The following SCN2A variants were observed in gnomAD, a reference collection of about 807,000 sequenced individuals.
SCN2A encodes the protein sodium voltage-gated channel alpha subunit 2.
In SCN2A, 20 loss-of-function variants were observed where a neutral mutation model predicts 188.7. The ratio of observed to expected loss-of-function variants is 0.11; its 90% CI spans 0.07 to 0.15. The LOEUF is 0.15. Ranked by LOEUF, SCN2A falls within the 10% of genes least tolerant of loss-of-function variation. The pLI is 1.00. For synonymous variants in SCN2A, 804 were observed against 833.1 expected, an observed-to-expected ratio of 0.97 and a Z score of 0.60; for missense variants, 1,278 against 2,445.0, an observed-to-expected ratio of 0.52 and a Z score of 10.07.
At chr2:165,346,356 G>C (rs1574646091) in intron 16 of SCN2A, among the ~76,000 whole-genome samples, 2 of 151,976 alleles carry the variant, frequency 1.3e-5, no homozygotes, top group South Asian at 4.2e-4. Context: ...TCAAACTTAG[G>C]GTTGGTCTTT....
intron 1 of SCN2A, among the ~76,000 whole-genome samples, chr2:165,250,585 C>T (rs1694045269): frequency 1.3e-5 from 2 of 151,876 alleles, no homozygotes; most frequent in African/African-American, 2.4e-5. Context: ...AGCTCTCTAA[C>T]TCCATGAGTA....
chr2:165,281,912 C>A (rs1004624536), intron 1 of SCN2A, among the ~76,000 whole-genome samples: 2 of 152,102 alleles, frequency 1.3e-5, no homozygotes, highest in African/African-American at 2.4e-5. Context: ...GACTGTGGAG[C>A]ATGTTCTGGG....
chr2:165,334,090 C>T (rs1698844861), intron 14 of SCN2A, among the ~76,000 whole-genome samples: 1 of 150,566 alleles, frequency 6.6e-6, no homozygotes, highest in South Asian at 2.1e-4. Flanking sequence ...TCTCAATATA[C>T]TTATAATAAG....
rs762703948 is a variant in SCN2A at position 165,354,375 on chromosome 2, G to A, written c.3103G>A (p.Ala1035Thr). The A allele has an allele frequency of 4.3e-6, 7 of 1,613,996 alleles. No individual in the cohort carries two copies. In the South Asian group the frequency reaches 5.5e-5, roughly 13 times the overall value. Residue 1035 changes from alanine to threonine, a missense_variant, in exon 17 of 27, where the codon GCT (alanine) becomes ACT (threonine). Ala to Thr is a moderately conservative substitution (Grantham distance 58). Around this residue, in one of 17 missense-constraint regions of SCN2A, gnomAD observed 228 missense variants for 297.3 expected, o/e 0.77. Transcript: ENST00000375437. ...IQKAFVRKQK[A>T]LDEIKPLEDL... ...GAAAGCCTTTGTTAGGAAGCAGAAA[G>A]CTTTAGATGAAATTAAACCGCTTGA... is the stretch of plus-strand genomic sequence containing the variant.
At chr2:165,301,997 A>T (rs1696838304) in intron 3 of SCN2A, among the ~76,000 whole-genome samples, 1 of 152,182 alleles carries the variant, frequency 6.6e-6, no homozygotes, top group Admixed American at 6.5e-5. Context: ...AAAACAAATG[A>T]TTTTTAAACC....
At position 165,377,582 on chromosome 2, in the gene SCN2A, T is replaced by C. The variant is rs373198623; in HGVS notation, c.4255-15T>C. Reference sequence around the variant, plus strand: ...AATTTTGGGAAAAAAGAAAATGATATGACTTTTCTTACAGGCCACGTTTAA... The same window carrying C: ...AATTTTGGGAAAAAAGAAAATGATACGACTTTTCTTACAGGCCACGTTTAA... On this transcript the variant is annotated splice_polypyrimidine_tract_variant and intron_variant, in intron 22 of 26. Transcript: ENST00000375437. 7 of 1,598,226 alleles carry C rather than the reference T, an allele frequency of 4.4e-6. No individual in the cohort carries two copies. In the African/African-American group the frequency reaches 5.4e-5, roughly 12 times the overall value.
Position 165,239,581 on chromosome 2 carries a change from CTG to C in SCN2A, c.-109_-108del, listed in dbSNP as rs1693528874. The C allele has an allele frequency of 2.1e-6, 2 of 968,934 alleles. No homozygotes were observed. The highest frequency in any genetic ancestry group is 1.8e-5 in the African/African-American group (1 of 56,880). 60.0% of individuals were successfully genotyped at this position (968,934 alleles called of 1,614,324 possible). On this transcript the variant is annotated 5_prime_UTR_variant, in exon 1 of 27. Coordinates refer to ENST00000375437, the MANE Select transcript of SCN2A (RefSeq NM_001040142.2). ...AAATTCTGAAGAATTGCATTGGAGA[CTG>C]TTATATTCAACACATACGTGGATTC...
At position 165,310,585 on chromosome 2, in the gene SCN2A, T is replaced by C. The variant is rs185590667; in HGVS notation, c.960T>C (p.Ile320=). ...GCATATTTAACTGGGATGAATATAT[T>C]GAGGATAAAAGTAAGATATACTCTA... is the stretch of plus-strand genomic sequence containing the variant. ...TVSIFNWDEY[I]EDKSHFYFLE... is the part of the protein sequence containing the mutation. The change falls in exon 7 of 27, where the codon ATT becomes ATC. Residue 320 remains isoleucine (I), a synonymous_variant. Coordinates refer to ENST00000375437, the MANE Select transcript of SCN2A (RefSeq NM_001040142.2). The C allele has an allele frequency of 1.5e-4, 237 of 1,610,580 alleles. 3 individuals carry two copies. In the East Asian group the frequency reaches 4.5e-3, roughly 30 times the overall value.
At chr2:165,304,913 A>G (rs550550563) in intron 3 of SCN2A, among the ~76,000 whole-genome samples, 3 of 152,236 alleles carry the variant, frequency 2.0e-5, no homozygotes, top group Non-Finnish European at 4.4e-5. Context: ...AAAATGATGC[A>G]TATTACATTT....
In SCN2A at chr2:165,251,837, T is replaced by C. The variant is rs762565057; in HGVS notation, c.-52+12197T>C. Among the ~76,000 whole-genome samples, 116 of 152,212 alleles carry C rather than the reference T, an allele frequency of 7.6e-4. 1 individual carries two copies. The highest frequency in any genetic ancestry group is 5.8e-4 in the East Asian group (3 of 5,182). On this transcript the variant is annotated intron_variant, in intron 1 of 26. Coordinates refer to ENST00000375437, the MANE Select transcript of SCN2A (RefSeq NM_001040142.2). ...TGATTAATATAATAGCTAACATTTATGAAATATTTACTATAATACAGGCAC... is the reference window on the plus strand; with the variant it reads ...TGATTAATATAATAGCTAACATTTACGAAATATTTACTATAATACAGGCAC...
At chr2:165,289,407 A>G (rs1695998250) in intron 1 of SCN2A, among the ~76,000 whole-genome samples, 1 of 152,076 alleles carries the variant, frequency 6.6e-6, no homozygotes, top group Non-Finnish European at 1.5e-5. Context: ...TAGAATCCCA[A>G]TTCTTAAGAT....
chr2:165,363,578 G>T (rs991411315), intron 17 of SCN2A, among the ~76,000 whole-genome samples: 1 of 152,048 alleles, frequency 6.6e-6, no homozygotes, highest in African/African-American at 2.4e-5. Flanking sequence ...TCAATTACGT[G>T]TATAGAAACA....
In SCN2A at chr2:165,386,698, AT is replaced by A. The variant is rs768687355; in HGVS notation, c.4552-40del. ...CTTAAAATCAGAAGAATTGAATTCG[AT>A]TTTTTTTAAGGTTTCTAATGGAACT... On this transcript the variant is annotated intron_variant, in intron 25 of 26. Transcript: ENST00000375437. 141 of 1,567,996 alleles carry A rather than the reference AT, an allele frequency of 9.0e-5. 1 individual carries two copies. The African/African-American group carries it at 1.4e-3, about 16-fold the overall frequency.
chr2:165,258,869 T>C (rs938151319), intron 1 of SCN2A, among the ~76,000 whole-genome samples: 1 of 152,096 alleles, frequency 6.6e-6, no homozygotes, highest in Non-Finnish European at 1.5e-5. Context: ...AACTTACAAG[T>C]GGGAGCTAAA....
intron 1 of SCN2A, among the ~76,000 whole-genome samples, chr2:165,246,025 C>A (rs1247564924): frequency 6.6e-6 from 1 of 152,084 alleles, no homozygotes; most frequent in Non-Finnish European, 1.5e-5. Flanking sequence ...TTAAGCCTGA[C>A]TTCCCAGGGA....
At chr2:165,382,028 A>G (rs1357281778) in intron 25 of SCN2A, among the ~76,000 whole-genome samples, 1 of 152,086 alleles carries the variant, frequency 6.6e-6, no homozygotes, top group Non-Finnish European at 1.5e-5. Flanking sequence ...AAGAAAATGG[A>G]TAGCTATATT....
In SCN2A at chr2:165,381,207, A is replaced by T. The variant is rs767957352; in HGVS notation, c.4551+10A>T. 1 of 1,538,826 alleles carries T rather than the reference A, an allele frequency of 6.5e-7. No homozygotes were observed. ...CATACCTCGACCTGCTGTAAGAATA[A>T]CATATTTTCATTGCCTGTTAAAACT... is the stretch of plus-strand genomic sequence containing the variant. On this transcript the variant is annotated intron_variant, in intron 25 of 26. Transcript: ENST00000375437.
chr2:165,319,523 A>C (rs1390596958), intron 11 of SCN2A, among the ~76,000 whole-genome samples: 1 of 152,202 alleles, frequency 6.6e-6, no homozygotes, highest in Non-Finnish European at 1.5e-5. Context: ...CTCTGTTTTC[A>C]TGCTGCTGAT....
chr2:165,323,638 C>A, intron 12 of SCN2A, 138 bp downstream of exon 12: 1 of 807,560 alleles, frequency 1.2e-6, no homozygotes, highest in Non-Finnish European at 2.0e-6. Flanking sequence ...AAGCTGTTAA[C>A]TGTCTTGTGA....
Sources: allele counts gnomAD v4.1 joint callset (sites outside exome capture counted in the v4.1 genomes callset), GRCh38; gene constraint gnomAD v4.1.1; regional missense constraint gnomAD v4.1.1; transcripts MANE v1.5; gene names NCBI Gene and HGNC (gene_info 2026-07-23, HGNC 2026-07-21).